SH3BGRL: variants seen among roughly 807,000 people sequenced by gnomAD.
SH3BGRL encodes adapter SH3BGRL.
SH3BGRL carries 7 observed loss-of-function variants against 9.8 expected under a neutral mutation model. The ratio of observed to expected loss-of-function variants is 0.72; its 90% CI spans 0.41 to 1.35. The LOEUF (loss-of-function observed/expected upper bound fraction) is 1.35, where lower values mean the gene tolerates loss of function less well. Among genes scored for constraint, SH3BGRL ranks in the 40% most tolerant of loss-of-function variants. The pLI is 0.01. For synonymous variants in SH3BGRL, 36 were observed against 29.1 expected (o/e 1.24, Z -0.76); for missense variants, 73 against 84.4 (o/e 0.86, Z 0.53).
rs762333008 is a variant in SH3BGRL, at chrX:81,223,334, T to G, written c.45+21089T>G. 4.5e-5 allele frequency among the ~76,000 whole-genome samples: 5 copies of G among 111,488 alleles called. No homozygotes were observed. The South Asian group carries it at 1.9e-3, about 42-fold the overall frequency. Reference sequence around the variant, plus strand: ...TCTAACATTTTCTTTTTACCTCTTTTTTTTGTGGTGAAGTGGGAGATCAGA... The same window carrying G: ...TCTAACATTTTCTTTTTACCTCTTTGTTTTGTGGTGAAGTGGGAGATCAGA... On this transcript the variant is annotated intron_variant, in intron 1 of 3. Transcript: ENST00000373212.
intron 3 of SH3BGRL, among the ~76,000 whole-genome samples, chrX:81,287,991 G>A (rs917178765): frequency 9.2e-6 from 1 of 108,675 alleles, no homozygotes; most frequent in Non-Finnish European, 1.9e-5. Flanking sequence ...GAGAAAGAAA[G>A]AAACTACAGG....
intron 1 of SH3BGRL, among the ~76,000 whole-genome samples, chrX:81,213,395 A>G: frequency 8.9e-6 from 1 of 112,354 alleles, no homozygotes. Flanking sequence ...TTTTTATTTC[A>G]TATGATTAAT....
chrX:81,205,963 A>G (rs939097686), intron 1 of SH3BGRL, among the ~76,000 whole-genome samples: 3 of 111,429 alleles, frequency 2.7e-5, no homozygotes, highest in African/African-American at 6.5e-5. Flanking sequence ...ATGGTTAGTG[A>G]TGCGGAACAT....
chrX:81,223,382 G>A (rs2075606568), intron 1 of SH3BGRL, among the ~76,000 whole-genome samples: 1 of 110,840 alleles, frequency 9.0e-6, no homozygotes, highest in Non-Finnish European at 1.9e-5. Context: ...TGGAAGCAGG[G>A]GAAATCAAGC....
rs754980067 is a variant in SH3BGRL at position 81,296,913 on chromosome X, AACTG to A, written c.313-278_313-275del. Among the ~76,000 whole-genome samples, 15 of 112,191 alleles carry A rather than the reference AACTG, an allele frequency of 1.3e-4. No individual in the cohort carries two copies. The East Asian group carries it at 2.5e-3, about 19-fold the overall frequency. On this transcript the variant is annotated intron_variant, in intron 3 of 3. Coordinates refer to ENST00000373212, the MANE Select transcript of SH3BGRL (RefSeq NM_003022.3). ...ATGAAAAAAAATCACACAAAAAGGAAACTGACTATTTTTAAGTAAAATATCAATT... is the reference window on the plus strand; with the variant it reads ...ATGAAAAAAAATCACACAAAAAGGAAACTATTTTTAAGTAAAATATCAATT...
intron 1 of SH3BGRL, among the ~76,000 whole-genome samples, chrX:81,274,208 C>T (rs1278588792): frequency 9.0e-6 from 1 of 111,568 alleles, no homozygotes; most frequent in Non-Finnish European, 1.9e-5. Flanking sequence ...CTCATGCATT[C>T]ACTGTGTCCC....
At chrX:81,211,351 C>T (rs1479910010) in intron 1 of SH3BGRL, among the ~76,000 whole-genome samples, 1 of 111,183 alleles carries the variant, frequency 9.0e-6, no homozygotes, top group Non-Finnish European at 1.9e-5. Flanking sequence ...TTGTGGGGGC[C>T]GAGGCGGGCG....
intron 1 of SH3BGRL, among the ~76,000 whole-genome samples, chrX:81,250,712 AGGTG>A (rs1318435903): frequency 1.8e-5 from 2 of 112,292 alleles, no homozygotes; most frequent in East Asian, 5.6e-4. Flanking sequence ...AAGCACCCAT[AGGTG>A]CAATAAAAAT....
At chrX:81,296,201 A>G (rs747910331) in intron 3 of SH3BGRL, among the ~76,000 whole-genome samples, 70 of 110,563 alleles carry the variant, frequency 6.3e-4, no homozygotes, top group African/African-American at 2.2e-3. Context: ...TTAGACAAGC[A>G]GCAGTAGGAG....
chrX:81,274,950 AC>A (rs1205539103), intron 1 of SH3BGRL, among the ~76,000 whole-genome samples: 1 of 111,190 alleles, frequency 9.0e-6, no homozygotes, highest in East Asian at 2.8e-4. Flanking sequence ...AGGTATGTGT[AC>A]TTGTCATCAG....
intron 1 of SH3BGRL, among the ~76,000 whole-genome samples, chrX:81,251,024 T>C (rs2075708226): frequency 8.9e-6 from 1 of 112,208 alleles, no homozygotes; most frequent in Admixed American, 9.5e-5. Context: ...TCCTGCTGAT[T>C]TTTAATGAAG....
chrX:81,227,641 T>C (rs2075621389), intron 1 of SH3BGRL, among the ~76,000 whole-genome samples: 1 of 112,192 alleles, frequency 8.9e-6, no homozygotes, highest in Non-Finnish European at 1.9e-5. Flanking sequence ...TCTTGATAAA[T>C]CTCTAAAAGA....
At chrX:81,229,633 G>A (rs969055537) in intron 1 of SH3BGRL, among the ~76,000 whole-genome samples, 1 of 111,546 alleles carries the variant, frequency 9.0e-6, no homozygotes, top group Non-Finnish European at 1.9e-5. Context: ...ACTCCATGTC[G>A]TTCTGCTGGT....
Position 81,224,341 on chromosome X carries a change from C to T in SH3BGRL, c.45+22096C>T, listed in dbSNP as rs1363377614. Among the ~76,000 whole-genome samples the T allele has an allele frequency of 1.1e-4, 12 of 111,329 alleles. 1 individual carries two copies. In the Admixed American group the frequency reaches 1.1e-3, roughly 11 times the overall value. The stretch of plus-strand genomic sequence containing the variant: ...GGAAATGGGTTAACCTTTGTTTCAT[C>T]CCATTCCCCAACCCCAGTCACCACG... On this transcript the variant is annotated intron_variant, in intron 1 of 3. Transcript: ENST00000373212.
chrX:81,281,636 A>G (rs2075817094), intron 3 of SH3BGRL, among the ~76,000 whole-genome samples: 1 of 112,246 alleles, frequency 8.9e-6, no homozygotes, highest in Non-Finnish European at 1.9e-5. Context: ...ATTCGCCATT[A>G]TCAAGCCACC....
At chrX:81,231,239 G>A (rs184416535) in intron 1 of SH3BGRL, among the ~76,000 whole-genome samples, 4 of 112,330 alleles carry the variant, frequency 3.6e-5, no homozygotes, top group East Asian at 2.8e-4. Flanking sequence ...TTCATCAGAC[G>A]CATGTCTAAA....
intron 1 of SH3BGRL, among the ~76,000 whole-genome samples, chrX:81,221,793 T>C (rs761804985): frequency 8.9e-6 from 1 of 112,348 alleles, no homozygotes; most frequent in South Asian, 3.6e-4. Context: ...AGTAAAACAT[T>C]ACTCTTTTTT....
At chrX:81,285,211 A>G (rs1189360794) in intron 3 of SH3BGRL, among the ~76,000 whole-genome samples, 1 of 111,892 alleles carries the variant, frequency 8.9e-6, no homozygotes, top group Non-Finnish European at 1.9e-5. Context: ...CAGAAAGTAT[A>G]CTAAATAAGA....
Position 81,269,633 on chromosome X carries a change from C to T in SH3BGRL, c.46-7351C>T, listed in dbSNP as rs751760137. Among the ~76,000 whole-genome samples, 403 of 111,260 alleles carry T rather than the reference C, an allele frequency of 3.6e-3. 1 individual carries two copies. The highest frequency in any genetic ancestry group is 0.017 in the South Asian group (44 of 2,579). ...CTTTGTGGGTAACCCGACCTTTCTC[C>T]CTGGCTGCCCTTAACATTTTTTCCT... On this transcript the variant is annotated intron_variant, in intron 1 of 3. Coordinates refer to ENST00000373212, the MANE Select transcript of SH3BGRL (RefSeq NM_003022.3).
Sources: gnomAD v4.1 joint callset for allele counts (sites outside exome capture counted in the v4.1 genomes callset) on GRCh38, gnomAD v4.1.1 for gene constraint, MANE v1.5 for transcripts, NCBI Gene and HGNC (gene_info 2026-07-23, HGNC 2026-07-21) for gene names.